The following EYS variants were observed in gnomAD, a reference collection of about 807,000 sequenced individuals.
The protein encoded by EYS is protein eyes shut homolog.
Under a neutral mutation model 282.1 loss-of-function variants are expected in EYS, and 250 were observed. The ratio of observed to expected loss-of-function variants is 0.89; its 90% CI spans 0.80 to 0.98. EYS has a LOEUF of 0.98. Ranked by LOEUF, EYS falls within the 50% of genes least tolerant of loss-of-function variation. The pLI, the probability that EYS is intolerant of heterozygous loss-of-function variation, is 0.00. For synonymous variants in EYS, 1,355 were observed against 1,282.9 expected, an observed-to-expected ratio of 1.06 and a Z score of -1.20; for missense variants, 4,016 against 3,709.0, an observed-to-expected ratio of 1.08 and a Z score of -2.15.
At chr6:65,190,929 G>A (rs989554652) in intron 12 of EYS, among the ~76,000 whole-genome samples, 3 of 151,742 alleles carry the variant, frequency 2.0e-5, no homozygotes, top group African/African-American at 4.8e-5. Context: ...TGTAGGATGC[G>A]AATGAGGGAC....
At position 64,394,487 on chromosome 6, in the gene EYS, A is replaced by G. The variant is rs544747367; in HGVS notation, c.5928-5647T>C. 2.6e-5 allele frequency among the ~76,000 whole-genome samples: 4 copies of G among 152,306 alleles called. No individual in the cohort carries two copies. In the East Asian group the frequency reaches 7.7e-4, roughly 29 times the overall value. Reference sequence around the variant, plus strand: ...TCCGAAATAACGCCGCATATCTACAACTATCTGATCTTTGACAAACCTGAC... The same window carrying G: ...TCCGAAATAACGCCGCATATCTACAGCTATCTGATCTTTGACAAACCTGAC... On this transcript the variant is annotated intron_variant, in intron 28 of 42. Coordinates refer to ENST00000503581, the MANE Select transcript of EYS (RefSeq NM_001142800.2).
At chr6:64,665,733 C>T (rs868160906) in intron 22 of EYS, among the ~76,000 whole-genome samples, 1 of 152,058 alleles carries the variant, frequency 6.6e-6, no homozygotes, top group South Asian at 2.1e-4. Flanking sequence ...TTTCTTTTTT[C>T]CATACTGAGT....
chr6:64,464,502 G>T (rs1775854351), intron 26 of EYS, among the ~76,000 whole-genome samples: 1 of 151,994 alleles, frequency 6.6e-6, no homozygotes, highest in Admixed American at 6.5e-5. Flanking sequence ...TAGTTAAATT[G>T]TCCCTGTTTA....
chr6:63,732,147 A>G (rs1045514291), intron 41 of EYS, among the ~76,000 whole-genome samples: 2 of 151,966 alleles, frequency 1.3e-5, no homozygotes, highest in African/African-American at 4.8e-5. Context: ...CGTATCATAA[A>G]ACAGCTGACC....
intron 12 of EYS, among the ~76,000 whole-genome samples, chr6:65,275,339 T>C (rs1768017497): frequency 6.6e-6 from 1 of 152,174 alleles, no homozygotes; most frequent in Non-Finnish European, 1.5e-5. Flanking sequence ...TTTCCCATAA[T>C]GAATTAGATG....
At chr6:64,592,152 G>A (rs534068043) in intron 25 of EYS, among the ~76,000 whole-genome samples, 163 bp from the exon 26 acceptor site, 1 of 152,184 alleles carries the variant, frequency 6.6e-6, no homozygotes, top group South Asian at 2.1e-4. Flanking sequence ...TACATGAGGA[G>A]TTTAATGATT....
At chr6:65,110,606 C>T (rs1406711108) in intron 12 of EYS, among the ~76,000 whole-genome samples, 1 of 151,852 alleles carries the variant, frequency 6.6e-6, no homozygotes, top group Non-Finnish European at 1.5e-5. Flanking sequence ...CACGTATCAT[C>T]CCTATTTCTC....
chr6:64,160,118 C>T (rs2150300485), intron 31 of EYS, among the ~76,000 whole-genome samples: 1 of 152,274 alleles, frequency 6.6e-6, no homozygotes, highest in African/African-American at 2.4e-5. Context: ...TGAAAAATGA[C>T]TTCCAATCAT....
chr6:64,529,038 C>T (rs1168926743), intron 26 of EYS, among the ~76,000 whole-genome samples: 1 of 151,926 alleles, frequency 6.6e-6, no homozygotes, highest in East Asian at 1.9e-4. Flanking sequence ...CTATTAGATC[C>T]TAAAACGGTT....
chr6:65,269,332 C>T (rs943686417), intron 12 of EYS, among the ~76,000 whole-genome samples: 3 of 152,144 alleles, frequency 2.0e-5, no homozygotes, highest in Non-Finnish European at 4.4e-5. Context: ...TTCTAGATAT[C>T]ACAGTGAGAG....
chr6:64,405,853 T>C (rs1327403616), intron 28 of EYS, among the ~76,000 whole-genome samples: 1 of 152,198 alleles, frequency 6.6e-6, no homozygotes, highest in Non-Finnish European at 1.5e-5. Flanking sequence ...AAACATTCCA[T>C]GCTCAGGAAT....
chr6:64,215,389 A>C (rs550066995), intron 31 of EYS, among the ~76,000 whole-genome samples: 64 of 152,120 alleles, frequency 4.2e-4, no homozygotes, highest in African/African-American at 1.4e-3. Context: ...GCGAAGGGTA[A>C]ATGTAAGTGT....
intron 29 of EYS, among the ~76,000 whole-genome samples, chr6:64,328,681 C>T (rs931681822): frequency 7.2e-5 from 11 of 152,098 alleles, no homozygotes; most frequent in Admixed American, 6.6e-4. Flanking sequence ...TATGTGGCTA[C>T]TAATGTATTT....
At chr6:65,405,748 C>T (rs1446871414) in intron 5 of EYS, among the ~76,000 whole-genome samples, 5 of 151,970 alleles carry the variant, frequency 3.3e-5, no homozygotes, top group Admixed American at 3.3e-4. Context: ...AAAGAATTTT[C>T]ACGTTGTATC....
chr6:65,658,265 A>G (rs1256783909), intron 1 of EYS, among the ~76,000 whole-genome samples: 1 of 151,708 alleles, frequency 6.6e-6, no homozygotes, highest in Non-Finnish European at 1.5e-5. Context: ...CAAATGTAAA[A>G]TAATGTCCTA....
chr6:64,076,230 G>GAT (rs1401700533), intron 32 of EYS, among the ~76,000 whole-genome samples: 1 of 151,850 alleles, frequency 6.6e-6, no homozygotes, highest in Non-Finnish European at 1.5e-5. Flanking sequence ...TTATAACAAT[G>GAT]TTCAATGGGA....
At chr6:64,314,210 A>AAAAAAAAAAAAAC in intron 29 of EYS, among the ~76,000 whole-genome samples, 1 of 149,064 alleles carries the variant, frequency 6.7e-6, no homozygotes. Flanking sequence ...AAAAAAAAAA[A>AAAAAAAAAAAAAC]AAAAAAAAGC....
chr6:65,441,834 A>G (rs1768339266), intron 5 of EYS, among the ~76,000 whole-genome samples: 1 of 152,134 alleles, frequency 6.6e-6, no homozygotes, highest in Non-Finnish European at 1.5e-5. Flanking sequence ...TTGCAAGGAC[A>G]TTCAGAAGTA....
At chr6:65,442,894 A>G (rs1308468914) in intron 5 of EYS, among the ~76,000 whole-genome samples, 1 of 108,518 alleles carries the variant, frequency 9.2e-6, no homozygotes, top group African/African-American at 2.6e-5. Context: ...ATATGTACAT[A>G]TATGTATATA....
Sources: allele counts gnomAD v4.1 joint callset (sites outside exome capture counted in the v4.1 genomes callset), GRCh38; gene constraint gnomAD v4.1.1; transcripts MANE v1.5; gene names NCBI Gene and HGNC (gene_info 2026-07-23, HGNC 2026-07-21).